Variants in THBS4 observed in about 807,000 individuals in gnomAD.
THBS4 encodes thrombospondin 4.
Under a neutral mutation model 115.7 loss-of-function variants are expected in THBS4, and 90 were observed. The observed-to-expected ratio is 0.78, with a 90% confidence interval of 0.66 to 0.93. The LOEUF is 0.93. Among genes scored for constraint, THBS4 ranks in the 40% least tolerant of loss-of-function variants. THBS4 has a pLI of 0.00. For synonymous variants in THBS4, 460 were observed against 479.3 expected, an observed-to-expected ratio of 0.96 and a Z score of 0.53; for missense variants, 1,087 against 1,232.7, an observed-to-expected ratio of 0.88 and a Z score of 1.77.
chr5:80,067,869 C>G, intron 9 of THBS4, 104 bp from the exon 10 acceptor site: 2 of 1,350,528 alleles, frequency 1.5e-6, no homozygotes, highest in Non-Finnish European at 2.0e-6. Flanking sequence ...TGATTCCTGC[C>G]AGCAATGAGT....
chr5:80,033,218 TG>T, upstream of THBS4: 1 of 454,164 alleles, frequency 2.2e-6, no homozygotes, highest in Non-Finnish European at 4.5e-6. Context: ...CTGCGGCTGA[TG>T]GGGAACACAC....
intron 2 of THBS4, among the ~76,000 whole-genome samples, chr5:80,003,064 A>C (rs1022926309): frequency 4.6e-5 from 7 of 152,284 alleles, no homozygotes; most frequent in African/African-American, 1.7e-4. Flanking sequence ...GATCTGTTAC[A>C]GGTGAGTGGG....
intron 1 of THBS4, among the ~76,000 whole-genome samples, chr5:79,995,023 G>A (rs910875764): frequency 3.9e-5 from 6 of 152,180 alleles, no homozygotes; most frequent in Non-Finnish European, 7.3e-5. Flanking sequence ...TATAAGTGAA[G>A]GCATAGAAAC....
intron 8 of THBS4, among the ~76,000 whole-genome samples, chr5:80,063,292 T>C (rs1012927401): frequency 5.9e-5 from 9 of 152,220 alleles, no homozygotes; most frequent in African/African-American, 2.2e-4. Flanking sequence ...CCAGTAATGG[T>C]GAGCATTTTT....
chr5:80,006,068 G>A (rs1213450978), intron 2 of THBS4, among the ~76,000 whole-genome samples: 1 of 152,026 alleles, frequency 6.6e-6, no homozygotes, highest in Non-Finnish European at 1.5e-5. Context: ...CCCGGCCTGT[G>A]GCATTGTTTT....
chr5:80,040,115 C>G lies in THBS4; in HGVS notation c.127C>G (p.Pro43Ala). Residue 43 changes from proline to alanine, a missense_variant, in exon 2 of 22, where the codon CCA becomes GCA. Physicochemically the swap from Pro to Ala is conservative, Grantham distance 27. This residue lies in a region of THBS4 where 979 missense variants were observed against 1,103.7 expected (regional missense o/e 0.89). Transcript: ENST00000350881. ...CCCATCTTCCAGTCAGAGGCTAAAC[C>G]CAGGCGCTCTGCTGCCAGTCCTGAC... ...LLPSSSQRLN[P>A]GALLPVLTDP... The G allele has an allele frequency of 6.2e-7, 1 of 1,614,074 alleles. No individual in the cohort carries two copies. Among genetic ancestry groups the G allele is most frequent in the East Asian group, 2.2e-5 (1 of 44,876 alleles).
chr5:79,994,486 A>G (rs1333406567), intron 1 of THBS4, among the ~76,000 whole-genome samples: 1 of 152,202 alleles, frequency 6.6e-6, no homozygotes, highest in East Asian at 1.9e-4. Flanking sequence ...CATTAAACGA[A>G]TTCATTAAGC....
intron 2 of THBS4, among the ~76,000 whole-genome samples, chr5:80,023,459 G>A (rs914245601): frequency 6.6e-6 from 1 of 152,140 alleles, no homozygotes; most frequent in African/African-American, 2.4e-5. Flanking sequence ...TTACAAGAGG[G>A]TTAGGTGCCC....
upstream of THBS4, among the ~76,000 whole-genome samples, chr5:80,032,657 C>G (rs1832607668): frequency 6.6e-6 from 1 of 152,164 alleles, no homozygotes; most frequent in Non-Finnish European, 1.5e-5. Flanking sequence ...AACTTGGAGT[C>G]TAATGTTTGC....
chr5:80,077,187 C>A, intron 16 of THBS4, 139 bp downstream of exon 16: 1 of 783,832 alleles, frequency 1.3e-6, no homozygotes. Flanking sequence ...AGCTTCTCTG[C>A]ATAGCTGCAG....
chr5:80,066,061 C>T (rs1833811044), intron 9 of THBS4, among the ~76,000 whole-genome samples: 1 of 145,876 alleles, frequency 6.9e-6, no homozygotes, highest in South Asian at 2.2e-4. Context: ...CACCACTGCA[C>T]TCCAGCCTGG....
At chr5:80,006,354 G>T (rs764060841) in intron 2 of THBS4, among the ~76,000 whole-genome samples, 7 of 152,202 alleles carry the variant, frequency 4.6e-5, no homozygotes, top group Non-Finnish European at 8.8e-5. Context: ...AGTTTCACAA[G>T]ATCTGATAGT....
chr5:80,073,473 T>G (rs770506331), intron 15 of THBS4, 146 bp downstream of exon 15: 133 of 727,660 alleles, frequency 1.8e-4, no homozygotes, highest in Non-Finnish European at 2.4e-4. Context: ...AAGCTCCGAT[T>G]CCCAGGTTTA....
At chr5:80,037,832 T>G (rs1157314430) in intron 1 of THBS4, among the ~76,000 whole-genome samples, 1 of 152,234 alleles carries the variant, frequency 6.6e-6, no homozygotes, top group Non-Finnish European at 1.5e-5. Flanking sequence ...AAATGTAAAG[T>G]TTCCAATTCT....
At chr5:80,043,940 G>A (rs1832982662) in intron 2 of THBS4, among the ~76,000 whole-genome samples, 1 of 152,092 alleles carries the variant, frequency 6.6e-6, no homozygotes, top group South Asian at 2.1e-4. Flanking sequence ...CCTCATTCCA[G>A]CCTCCATGCA....
intron 3 of THBS4, among the ~76,000 whole-genome samples, chr5:80,057,471 T>C (rs1419884328): frequency 1.3e-5 from 2 of 152,250 alleles, no homozygotes; most frequent in African/African-American, 4.8e-5. Context: ...TATAGTCTGA[T>C]GTCCAATACA....
chr5:80,013,708 T>C (rs958253112), intron 2 of THBS4, among the ~76,000 whole-genome samples: 1 of 152,170 alleles, frequency 6.6e-6, no homozygotes, highest in Admixed American at 6.5e-5. Context: ...CTACCATTTA[T>C]TAGGTTTGTG....
intron 2 of THBS4, among the ~76,000 whole-genome samples, chr5:80,007,038 G>A (rs776171098): frequency 2.0e-5 from 3 of 152,140 alleles, no homozygotes; most frequent in African/African-American, 4.8e-5. Flanking sequence ...TTCCCTTGTG[G>A]AGCTTACACT....
Position 80,071,044 on chromosome 5 carries a change from T to C in THBS4, c.1584T>C (p.Asn528=), listed in dbSNP as rs757720056. Residue 528 remains asparagine, a synonymous_variant, in exon 13 of 22, where the codon AAT becomes AAC. Transcript: ENST00000350881. ...AGGATAACTGTGTCCTGATTCATAATGTGGACCAAAGGAACAGCGATAAAG... is the reference window on the plus strand; with the variant it reads ...AGGATAACTGTGTCCTGATTCATAACGTGGACCAAAGGAACAGCGATAAAG... The part of the protein sequence containing the change: ...NEQDNCVLIH[N]VDQRNSDKDI... The C allele has an allele frequency of 5.6e-6, 9 of 1,613,290 alleles. No individual in the cohort carries two copies. The highest frequency in any genetic ancestry group is 5.5e-5 in the South Asian group (5 of 90,748).
Sources: allele counts gnomAD v4.1 joint callset (sites outside exome capture counted in the v4.1 genomes callset), GRCh38; gene constraint gnomAD v4.1.1; regional missense constraint gnomAD v4.1.1; transcripts MANE v1.5; gene names NCBI Gene and HGNC (gene_info 2026-07-23, HGNC 2026-07-21).